TFAP2D: variants seen among roughly 807,000 people sequenced by gnomAD.
TFAP2D encodes the protein transcription factor AP-2-delta.
TFAP2D carries 9 observed loss-of-function variants against 43.6 expected under a neutral mutation model. The observed-to-expected ratio is 0.21, with a 90% CI of 0.12 to 0.36. The LOEUF is 0.36. Ranked by LOEUF, TFAP2D falls within the 10% of genes least tolerant of loss-of-function variation. The probability of loss-of-function intolerance (pLI) is 1.00; values close to 1 mark genes in which losing one functional copy is unlikely to be tolerated. For missense variants in TFAP2D, 513 were observed against 561.4 expected (o/e 0.91, Z 0.87); for synonymous variants, 256 against 224.9 (o/e 1.14, Z -1.24).
chr6:50,766,387 A>G (rs912588760), intron 7 of TFAP2D, among the ~76,000 whole-genome samples: 6 of 151,818 alleles, frequency 4.0e-5, no homozygotes, highest in Admixed American at 3.3e-4. Context: ...TGTTTTTCCT[A>G]TTTGTGTGAA....
At chr6:50,771,673 G>A (rs532360617) in intron 7 of TFAP2D, among the ~76,000 whole-genome samples, 22 of 152,196 alleles carry the variant, frequency 1.4e-4, no homozygotes, top group Non-Finnish European at 2.5e-4. Context: ...TAATTAGTGC[G>A]TATCAATCAA....
intron 7 of TFAP2D, among the ~76,000 whole-genome samples, chr6:50,754,452 T>G (rs1769238719): frequency 6.6e-6 from 1 of 151,930 alleles, no homozygotes; most frequent in African/African-American, 2.4e-5. Context: ...TCATGACTAG[T>G]GCTGCTATGA....
chr6:50,766,072 T>G (rs941404818), intron 7 of TFAP2D, among the ~76,000 whole-genome samples: 2 of 152,218 alleles, frequency 1.3e-5, no homozygotes, highest in African/African-American at 4.8e-5. Context: ...CCAATTTTAC[T>G]TTTTTGCATG....
intron 5 of TFAP2D, among the ~76,000 whole-genome samples, chr6:50,735,710 G>T (rs1204347458): frequency 1.3e-5 from 2 of 152,068 alleles, no homozygotes; most frequent in African/African-American, 4.8e-5. Flanking sequence ...CTACCACTTG[G>T]TGGTATTTCC....
chr6:50,734,289 T>G (rs1768933494), intron 5 of TFAP2D, among the ~76,000 whole-genome samples: 1 of 152,144 alleles, frequency 6.6e-6, no homozygotes, highest in South Asian at 2.1e-4. Context: ...AATAATATCA[T>G]TTTTGAAGTA....
chr6:50,716,736 A>G (rs576095770), intron 2 of TFAP2D, among the ~76,000 whole-genome samples: 4 of 152,192 alleles, frequency 2.6e-5, no homozygotes, highest in South Asian at 4.1e-4. Context: ...GTGAGTTCCT[A>G]CTTTTTGTGT....
Position 50,715,488 on chromosome 6 carries a change from G to T in TFAP2D, c.412G>T (p.Asp138Tyr). The stretch of plus-strand genomic sequence containing the variant: ...GCAGAGGCGGGAGCTGGGCTGCCTC[G>T]ATGCCTACCGCCGCCATGACCTGTC... ...DEQRRELGCLDAYRRHDLSLM... is the reference protein window; with the variant it reads ...DEQRRELGCLYAYRRHDLSLM... Residue 138 changes from aspartate (D) to tyrosine (Y), a missense_variant, in exon 2 of 8, where the codon GAT (aspartate) becomes TAT (tyrosine). This residue lies in a region of TFAP2D where 311 missense variants were observed against 316.2 expected (regional missense o/e 0.98). Coordinates refer to ENST00000008391, the MANE Select transcript of TFAP2D (RefSeq NM_172238.4). The T allele has an allele frequency of 6.2e-7, 1 of 1,613,706 alleles. No homozygotes were observed. Among genetic ancestry groups the T allele is most frequent in the Non-Finnish European group, 8.5e-7 (1 of 1,180,018 alleles).
intron 5 of TFAP2D, among the ~76,000 whole-genome samples, chr6:50,736,352 A>G (rs1234920122): frequency 6.6e-6 from 1 of 152,140 alleles, no homozygotes; most frequent in African/African-American, 2.4e-5. Flanking sequence ...ACAGTTTTGC[A>G]TAGTTTTTAG....
intron 7 of TFAP2D, among the ~76,000 whole-genome samples, chr6:50,757,490 T>G (rs5016908): frequency 0.13 from 10,491 of 78,192 alleles, 1,460 homozygotes; most frequent in East Asian, 0.21. Context: ...TATATATATA[T>G]AATATATATA....
chr6:50,743,451 G>C (rs1188238896), intron 5 of TFAP2D, among the ~76,000 whole-genome samples: 1 of 151,824 alleles, frequency 6.6e-6, no homozygotes, highest in Non-Finnish European at 1.5e-5. Flanking sequence ...GTGTAATTAC[G>C]GCTCACTACA....
chr6:50,731,318 T>C (rs894066968), intron 5 of TFAP2D, among the ~76,000 whole-genome samples: 4 of 152,036 alleles, frequency 2.6e-5, no homozygotes, highest in Non-Finnish European at 5.9e-5. Flanking sequence ...ATCTTCAGGA[T>C]GTAGAGAAAT....
intron 5 of TFAP2D, among the ~76,000 whole-genome samples, chr6:50,743,808 A>G (rs893472992): frequency 6.6e-6 from 1 of 152,022 alleles, no homozygotes; most frequent in East Asian, 1.9e-4. Flanking sequence ...TACTGTCACC[A>G]TAATAACAAC....
At position 50,715,568 on chromosome 6, in the gene TFAP2D, A is replaced by C; in HGVS notation, c.492A>C (p.Pro164=). ...YGMHPDQRLL[P]GPSLGLAAAG... ...TGCACCCAGATCAAAGACTCCTGCC[A>C]GGGCCCAGCCTGGGGCTGGCCGCCG... Residue 164 remains proline (P), a synonymous_variant, in exon 2 of 8, where the codon CCA becomes CCC. Coordinates refer to ENST00000008391, the MANE Select transcript of TFAP2D (RefSeq NM_172238.4). 1.2e-6 allele frequency: 2 copies of C among 1,607,970 alleles called. No homozygotes were observed. The highest frequency in any genetic ancestry group is 1.7e-6 in the Non-Finnish European group (2 of 1,177,736).
In TFAP2D at chr6:50,715,526, T is replaced by C. The variant is rs766143673; in HGVS notation, c.450T>C (p.His150=). The part of the protein sequence containing the change: ...YRRHDLSLMS[H]GSQYGMHPDQ... Reference sequence around the variant, plus strand: ...GCCATGACCTGTCCCTCATGAGCCATGGCTCTCAGTATGGAATGCACCCAG... The same window carrying C: ...GCCATGACCTGTCCCTCATGAGCCACGGCTCTCAGTATGGAATGCACCCAG... The change falls in exon 2 of 8, where the codon CAT becomes CAC. Residue 150 remains histidine (H), a synonymous_variant. Coordinates refer to ENST00000008391, the MANE Select transcript of TFAP2D (RefSeq NM_172238.4). 5.5e-5 allele frequency: 89 copies of C among 1,612,682 alleles called. No individual in the cohort carries two copies. The East Asian group carries it at 1.1e-3, about 19-fold the overall frequency.
At chr6:50,735,733 A>T (rs1320386018) in intron 5 of TFAP2D, among the ~76,000 whole-genome samples, 1 of 152,178 alleles carries the variant, frequency 6.6e-6, no homozygotes, top group African/African-American at 2.4e-5. Flanking sequence ...TCTACCTTTA[A>T]TCTTGAGCCT....
chr6:50,719,299 T>C (rs553184858), intron 3 of TFAP2D, 149 bp downstream of exon 3: 1 of 823,462 alleles, frequency 1.2e-6, no homozygotes, highest in Non-Finnish European at 1.9e-6. Context: ...CACTGGCATA[T>C]CCACATTAAA....
chr6:50,733,399 G>T (rs981404018), intron 5 of TFAP2D, among the ~76,000 whole-genome samples: 3 of 151,802 alleles, frequency 2.0e-5, no homozygotes, highest in Non-Finnish European at 4.4e-5. Flanking sequence ...ATCCATTCTA[G>T]TATCTACAAT....
intron 5 of TFAP2D, among the ~76,000 whole-genome samples, chr6:50,732,004 A>C (rs1431162415): frequency 3.3e-5 from 5 of 151,764 alleles, no homozygotes; most frequent in Non-Finnish European, 2.9e-5. Context: ...CTACAGTTTT[A>C]CTCCTGTATG....
At chr6:50,761,082 C>T (rs1240864979) in intron 7 of TFAP2D, among the ~76,000 whole-genome samples, 1 of 151,408 alleles carries the variant, frequency 6.6e-6, no homozygotes, top group Non-Finnish European at 1.5e-5. Context: ...GCATCCTTCC[C>T]AGAGGGCTAA....
Sources: allele counts gnomAD v4.1 joint callset (sites outside exome capture counted in the v4.1 genomes callset), GRCh38; gene constraint gnomAD v4.1.1; regional missense constraint gnomAD v4.1.1; transcripts MANE v1.5; gene names NCBI Gene and HGNC (gene_info 2026-07-23, HGNC 2026-07-21).